The following TAFA1 variants were observed in gnomAD, a reference collection of about 807,000 sequenced individuals.
The protein encoded by TAFA1 is TAFA chemokine like family member 1, also known as chemokine-like protein TAFA-1.
A neutral mutation model predicts 18.5 loss-of-function variants in TAFA1; 4 were observed. The observed-to-expected ratio is 0.22, with a 90% CI of 0.11 to 0.49. The LOEUF (loss-of-function observed/expected upper bound fraction) is 0.49. Among genes scored for constraint, TAFA1 ranks in the 20% least tolerant of loss-of-function variants. TAFA1 has a pLI of 0.98. For missense variants in TAFA1, 147 were observed against 169.0 expected, an observed-to-expected ratio of 0.87 and a Z score of 0.72; for synonymous variants, 56 against 55.2, an observed-to-expected ratio of 1.01 and a Z score of -0.06.
At chr3:68,423,208 AT>A (rs962554436) in intron 3 of TAFA1, among the ~76,000 whole-genome samples, 3 of 152,088 alleles carry the variant, frequency 2.0e-5, no homozygotes, top group Admixed American at 6.6e-5. Flanking sequence ...AATGTTTACC[AT>A]TTTTTAAGGC....
intron 2 of TAFA1, among the ~76,000 whole-genome samples, chr3:68,082,677 T>C (rs1036812388): frequency 6.6e-6 from 1 of 152,236 alleles, no homozygotes; most frequent in Non-Finnish European, 1.5e-5. Context: ...ATGATGAGTT[T>C]AGTTTTATAT....
At chr3:68,040,986 A>C (rs537575472) in intron 2 of TAFA1, among the ~76,000 whole-genome samples, 7 of 152,200 alleles carry the variant, frequency 4.6e-5, no homozygotes, top group Non-Finnish European at 1.0e-4. Context: ...TGGATTATGC[A>C]ACTCTAAGAT....
At chr3:68,325,815 G>A (rs919066807) in intron 2 of TAFA1, among the ~76,000 whole-genome samples, 4 of 152,090 alleles carry the variant, frequency 2.6e-5, no homozygotes, top group Non-Finnish European at 5.9e-5. Context: ...GAATCCCAGA[G>A]GCTCTTCTAA....
intron 3 of TAFA1, among the ~76,000 whole-genome samples, chr3:68,495,363 A>T (rs527295189): frequency 6.6e-6 from 1 of 152,236 alleles, no homozygotes; most frequent in Non-Finnish European, 1.5e-5. Flanking sequence ...TCTGTTTTGC[A>T]GGTTGGCAAA....
intron 3 of TAFA1, among the ~76,000 whole-genome samples, chr3:68,443,473 C>CAAAAAAAAAAAAAAAAAAAAAAAAAA (rs56944130): frequency 1.0e-5 from 1 of 96,102 alleles, no homozygotes. Flanking sequence ...GGGCAATTTA[C>CAAAAAAAAAAAAAAAAAAAAAAAAAA]AAAAAAAAAA....
intron 3 of TAFA1, among the ~76,000 whole-genome samples, chr3:68,441,002 C>G (rs905674704): frequency 6.6e-6 from 1 of 152,116 alleles, no homozygotes; most frequent in Non-Finnish European, 1.5e-5. Context: ...TCTTCTACCT[C>G]AGTAAAATTT....
chr3:68,505,662 TG>T, intron 3 of TAFA1, among the ~76,000 whole-genome samples: 1 of 151,980 alleles, frequency 6.6e-6, no homozygotes, highest in Non-Finnish European at 1.5e-5. Flanking sequence ...GATGTATGAC[TG>T]GGGACCCAGC....
At chr3:68,331,839 G>T (rs1009380449) in intron 2 of TAFA1, among the ~76,000 whole-genome samples, 1 of 148,624 alleles carries the variant, frequency 6.7e-6, no homozygotes, top group Non-Finnish European at 1.5e-5. Context: ...AATGGGTAAA[G>T]GATAGTCTTT....
Position 68,265,789 on chromosome 3 carries a change from CATCTGGG to C in TAFA1, c.119-151490_119-151484del, listed in dbSNP as rs1016088822. ...CTGCAGAAGCTGAGTCAGCCTTCTA[CATCTGGG>C]CTGCAGGTGTAGCCCAGACATGGCT... On this transcript the variant is annotated intron_variant, in intron 2 of 4. Transcript: ENST00000478136. 1.6e-4 allele frequency among the ~76,000 whole-genome samples: 25 copies of C among 152,184 alleles called. 2 individuals are homozygous for C. Among genetic ancestry groups the C allele is most frequent in the Admixed American group, 1.0e-3 (16 of 15,276 alleles).
At chr3:68,329,617 T>A (rs1280935689) in intron 2 of TAFA1, among the ~76,000 whole-genome samples, 6 of 152,208 alleles carry the variant, frequency 3.9e-5, no homozygotes, top group Admixed American at 3.9e-4. Context: ...TTGCTTTGTT[T>A]TAATGCCCAC....
chr3:68,049,018 G>T (rs2064432202), intron 2 of TAFA1, among the ~76,000 whole-genome samples: 1 of 152,064 alleles, frequency 6.6e-6, no homozygotes, highest in South Asian at 2.1e-4. Context: ...TCTATTTTTA[G>T]TTTTTTGTGG....
chr3:68,109,010 A>T (rs1037866207), intron 2 of TAFA1, among the ~76,000 whole-genome samples: 27 of 152,038 alleles, frequency 1.8e-4, no homozygotes, highest in African/African-American at 6.3e-4. Context: ...GAAAATACCT[A>T]CAGATCTTCC....
chr3:68,464,074 G>T (rs1032303473), intron 3 of TAFA1, among the ~76,000 whole-genome samples: 1 of 152,176 alleles, frequency 6.6e-6, no homozygotes, highest in East Asian at 1.9e-4. Context: ...ATAGACAAAG[G>T]AACATTGATT....
At chr3:68,447,760 T>C (rs972896103) in intron 3 of TAFA1, among the ~76,000 whole-genome samples, 1 of 152,228 alleles carries the variant, frequency 6.6e-6, no homozygotes, top group African/African-American at 2.4e-5. Context: ...CACTTGTTAG[T>C]AGCTGCTGCA....
intron 2 of TAFA1, chr3:68,246,769 G>T (rs182139903): frequency 1.3e-5 from 2 of 152,212 alleles, no homozygotes; most frequent in Admixed American, 1.3e-4. Context: ...TTCCACAGGT[G>T]TTTCTGCTCG....
chr3:68,183,466 T>C (rs1287582624), intron 2 of TAFA1, among the ~76,000 whole-genome samples: 1 of 152,158 alleles, frequency 6.6e-6, no homozygotes, highest in African/African-American at 2.4e-5. Flanking sequence ...AATAGCTTGA[T>C]GAAGTTCCCA....
rs114182011 is a variant in TAFA1, at chr3:68,541,671, A to G, written c.384+2791A>G. 5.2e-3 allele frequency among the ~76,000 whole-genome samples: 797 copies of G among 152,214 alleles called. 4 individuals are homozygous for G. Among genetic ancestry groups the G allele is most frequent in the African/African-American group, 0.018 (764 of 41,538 alleles). ...GACAGTTCACTCAGGATAAAAATAA[A>G]GTTGGGGAAACACACTCAGATTGTT... is the stretch of plus-strand genomic sequence containing the variant. On this transcript the variant is annotated intron_variant, in intron 4 of 4. Transcript: ENST00000478136.
At chr3:68,381,913 T>G (rs2106674828) in intron 2 of TAFA1, among the ~76,000 whole-genome samples, 3 of 152,340 alleles carry the variant, frequency 2.0e-5, no homozygotes, top group Middle Eastern at 6.8e-3. Flanking sequence ...GGGTTTGTCA[T>G]AGATAGCTCT....
chr3:68,235,954 C>CT (rs1370996772), intron 2 of TAFA1, among the ~76,000 whole-genome samples: 1 of 152,118 alleles, frequency 6.6e-6, no homozygotes, highest in Admixed American at 6.6e-5. Context: ...CCATTCTAGA[C>CT]TTTTCCACCA....
Sources: allele counts gnomAD v4.1 joint callset (sites outside exome capture counted in the v4.1 genomes callset), GRCh38; gene constraint gnomAD v4.1.1; transcripts MANE v1.5; gene names NCBI Gene and HGNC (gene_info 2026-07-23, HGNC 2026-07-21).